ABCB1: variants seen among roughly 807,000 people sequenced by gnomAD.
The protein encoded by ABCB1 is ATP-dependent translocase ABCB1.
ABCB1 carries 69 observed loss-of-function variants against 142.0 expected under a neutral mutation model. The observed-to-expected ratio is 0.49, with a 90% confidence interval of 0.40 to 0.59. ABCB1 has a LOEUF of 0.59. Among genes scored for constraint, ABCB1 ranks in the 20% least tolerant of loss-of-function variants. The pLI is 0.00. For synonymous variants in ABCB1, 532 were observed against 539.2 expected, an observed-to-expected ratio of 0.99 and a Z score of 0.18; for missense variants, 1,326 against 1,554.7, an observed-to-expected ratio of 0.85 and a Z score of 2.47.
Position 87,665,430 on chromosome 7 carries a change from T to C in ABCB1, c.-331+47731A>G, listed in dbSNP as rs187099903. ...AGTTACTAAACATTGATTAAATAAA[T>C]TGTAGAAGACACAAATAAATAGAAA... is the stretch of plus-strand genomic sequence containing the variant. On this transcript the variant is annotated intron_variant, in intron 1 of 28. Transcript: ENST00000265724. Among the ~76,000 whole-genome samples the C allele has an allele frequency of 1.5e-4, 23 of 152,202 alleles. No homozygotes were observed. The East Asian group carries it at 4.5e-3, about 30-fold the overall frequency.
At chr7:87,635,148 T>A (rs1821632883) in intron 1 of ABCB1, among the ~76,000 whole-genome samples, 1 of 152,216 alleles carries the variant, frequency 6.6e-6, no homozygotes, top group South Asian at 2.1e-4. Context: ...CCCACTCTTC[T>A]ATTCCCTCTT....
In ABCB1 at chr7:87,539,273, T is replaced by C; in HGVS notation, c.2392A>G (p.Arg798Gly). 1.9e-6 allele frequency: 3 copies of C among 1,614,080 alleles called. No homozygotes were observed. Among genetic ancestry groups the C allele is most frequent in the Non-Finnish European group, 2.5e-6 (3 of 1,179,964 alleles). The change falls in exon 19 of 28, where the codon AGA (arginine) becomes GGA (glycine). Residue 798 changes from arginine to glycine, a missense_variant. Coordinates refer to ENST00000622132, the MANE Select transcript of ABCB1 (RefSeq NM_001348946.2). ...ACAGCCCTCGATAGACATACCTGTC[T>C]GAGCATGGATCGGAAAACCATGTAT... ...LRYMVFRSML[R>G]QDVSWFDDPK...
intron 1 of ABCB1, among the ~76,000 whole-genome samples, chr7:87,607,375 C>T (rs1455701652): frequency 6.6e-6 from 1 of 152,096 alleles, no homozygotes; most frequent in Admixed American, 6.5e-5. Flanking sequence ...AATCTTGTCT[C>T]TATTTTTATT....
At position 87,550,561 on chromosome 7, in the gene ABCB1, G is replaced by A. The variant is rs201349819; in HGVS notation, c.1131C>T (p.Ser377=). 63 of 1,613,188 alleles carry A rather than the reference G, an allele frequency of 3.9e-5. No homozygotes were observed. Among genetic ancestry groups the A allele is most frequent in the Middle Eastern group, 1.6e-4 (1 of 6,084 alleles). The stretch of plus-strand genomic sequence containing the variant: ...CTGGTTTGTGCCCACTCTTCGAATA[G>A]CTGTCAATACTTGGCTTCTAAACAG... ...KIIDNKPSID[S]YSKSGHKPDN... is the part of the protein sequence containing the mutation. The change falls in exon 11 of 28, where the codon AGC becomes AGT. Residue 377 remains serine, a synonymous_variant. Transcript: ENST00000622132.
intron 1 of ABCB1, among the ~76,000 whole-genome samples, chr7:87,614,264 G>A (rs1013743442): frequency 6.6e-6 from 1 of 152,118 alleles, no homozygotes; most frequent in Middle Eastern, 3.2e-3. Flanking sequence ...AGATGTGGTG[G>A]CATGCACCTG....
At chr7:87,628,621 GT>G in intron 1 of ABCB1, 27 of 307,328 alleles carry the variant, frequency 8.8e-5, no homozygotes, top group Non-Finnish European at 1.4e-4. Context: ...GTGTGTGTGT[GT>G]GTGGAGCTCG....
intron 1 of ABCB1, among the ~76,000 whole-genome samples, chr7:87,635,389 T>C (rs1276225565): frequency 6.6e-6 from 1 of 152,214 alleles, no homozygotes; most frequent in African/African-American, 2.4e-5. Context: ...TGTGAAGACT[T>C]CTGTGAGAAA....
chr7:87,573,571 T>C (rs752465863), intron 4 of ABCB1, among the ~76,000 whole-genome samples: 31 of 152,122 alleles, frequency 2.0e-4, no homozygotes, highest in Non-Finnish European at 4.3e-4. Flanking sequence ...CTTCATATTG[T>C]CCCCAGATTT....
chr7:87,566,561 A>G (rs987558634), intron 6 of ABCB1, among the ~76,000 whole-genome samples: 1 of 152,194 alleles, frequency 6.6e-6, no homozygotes, highest in East Asian at 1.9e-4. Context: ...ATTCTGGCAA[A>G]GCCCAGTCCT....
chr7:87,620,189 C>T lies in ABCB1; in HGVS notation c.-330-19111G>A, dbSNP rs1051699860. 6.6e-5 allele frequency among the ~76,000 whole-genome samples: 10 copies of T among 151,338 alleles called. No homozygotes were observed. The East Asian group carries it at 1.6e-3, about 23-fold the overall frequency. ...TTTCTTTCTTTTTTTTAGACAGAGT[C>T]TCGCTCTGTTGCCCAGGCTGGACTG... On this transcript the variant is annotated intron_variant, in intron 1 of 28. Coordinates refer to the ABCB1 transcript ENST00000265724.
At chr7:87,594,413 T>C (rs1158580101) in intron 3 of ABCB1, among the ~76,000 whole-genome samples, 1 of 152,220 alleles carries the variant, frequency 6.6e-6, no homozygotes, top group Non-Finnish European at 1.5e-5. Flanking sequence ...CATATTTTTA[T>C]TCTTTTGTGC....
chr7:87,543,852 A>G (rs1816652325), intron 17 of ABCB1, among the ~76,000 whole-genome samples: 1 of 152,170 alleles, frequency 6.6e-6, no homozygotes, highest in South Asian at 2.1e-4. Flanking sequence ...GTTGGCAGGT[A>G]TGAGAAAGTC....
In ABCB1 at chr7:87,627,173, T is replaced by G. The variant is rs555263619; in HGVS notation, c.-330-26095A>C. ...CTATTTTAAATAGAGATTTTTAAAC[T>G]TTAAAAACCTCAGAAATTAGGAATT... is the stretch of plus-strand genomic sequence containing the variant. On this transcript the variant is annotated intron_variant, in intron 1 of 28. Transcript: ENST00000265724. Among the ~76,000 whole-genome samples the G allele has an allele frequency of 7.2e-5, 11 of 152,284 alleles. No individual in the cohort carries two copies. The East Asian group carries it at 2.1e-3, about 29-fold the overall frequency.
chr7:87,626,912 A>AGC (rs1406844224), intron 1 of ABCB1, among the ~76,000 whole-genome samples: 2 of 151,958 alleles, frequency 1.3e-5, no homozygotes, highest in Non-Finnish European at 2.9e-5. Flanking sequence ...AGTAGCTGCC[A>AGC]CTACAGGCGC....
chr7:87,628,120 C>T (rs1281558019), intron 1 of ABCB1, among the ~76,000 whole-genome samples: 3 of 152,138 alleles, frequency 2.0e-5, no homozygotes, highest in Admixed American at 2.0e-4. Flanking sequence ...TGGCTACAGG[C>T]AAGGGGGGGG....
chr7:87,559,056 G>A (rs924098288), intron 8 of ABCB1, among the ~76,000 whole-genome samples: 2 of 151,894 alleles, frequency 1.3e-5, no homozygotes, highest in Admixed American at 6.6e-5. Context: ...ATATCTGCCT[G>A]GTAATATAGT....
chr7:87,519,695 C>T (rs1179790100), intron 22 of ABCB1, among the ~76,000 whole-genome samples: 1 of 152,160 alleles, frequency 6.6e-6, no homozygotes, highest in Non-Finnish European at 1.5e-5. Flanking sequence ...TTAACTACAC[C>T]TCAAAGTGTT....
At chr7:87,686,504 A>G (rs1039798785) in intron 1 of ABCB1, among the ~76,000 whole-genome samples, 1 of 152,158 alleles carries the variant, frequency 6.6e-6, no homozygotes, top group Non-Finnish European at 1.5e-5. Context: ...TTATGGACTG[A>G]CTGGTAGGCC....
chr7:87,549,417 G>A lies in ABCB1; in HGVS notation c.1656C>T (p.Leu552=), dbSNP rs201739562. The change falls in exon 14 of 28, where the codon CTC becomes CTT. Residue 552 remains leucine (L), a synonymous_variant. Coordinates refer to ENST00000622132, the MANE Select transcript of ABCB1 (RefSeq NM_001348946.2). ...ARALVRNPKI[L]LLDEATSALD... is the part of the protein sequence containing the mutation. ...AGGCTGACGTGGCCTCATCCAGCAG[G>A]AGGATCTTGGGGTTGCGAACCAGGG... 6.2e-7 allele frequency: 1 copy of A among 1,614,178 alleles called. No homozygotes were observed. The highest frequency in any genetic ancestry group is 1.1e-5 in the South Asian group (1 of 91,080).
Sources: gnomAD v4.1 joint callset for allele counts (sites outside exome capture counted in the v4.1 genomes callset) on GRCh38, gnomAD v4.1.1 for gene constraint, MANE v1.5 for transcripts, NCBI Gene and HGNC (gene_info 2026-07-23, HGNC 2026-07-21) for gene names.